DMD: variants seen among roughly 807,000 people sequenced by gnomAD.
DMD encodes dystrophin.
DMD carries 63 observed loss-of-function variants against 330.1 expected under a neutral mutation model. That is an observed-to-expected ratio of 0.19 (90% CI 0.16 to 0.24). The LOEUF (loss-of-function observed/expected upper bound fraction) is 0.24, where lower values mean the gene tolerates loss of function less well. DMD is among the 10% of genes least tolerant of loss of function. DMD has a pLI of 1.00. For synonymous variants in DMD, 1,223 were observed against 959.8 expected (o/e 1.27, Z -5.07); for missense variants, 3,344 against 2,684.1 (o/e 1.25, Z -5.43).
At chrX:33,174,941 G>A (rs2049569310) in intron 1 of DMD, among the ~76,000 whole-genome samples, 1 of 108,853 alleles carries the variant, frequency 9.2e-6, no homozygotes, top group African/African-American at 3.4e-5. Context: ...GAGTGTAGAT[G>A]TCTATTGCAA....
chrX:32,497,505 G>C (rs1338531229), intron 19 of DMD, among the ~76,000 whole-genome samples: 1 of 112,004 alleles, frequency 8.9e-6, no homozygotes, highest in Non-Finnish European at 1.9e-5. Flanking sequence ...ATCTCCTCTA[G>C]AAATTATGGT....
At chrX:31,422,559 G>C (rs940338931) in intron 60 of DMD, among the ~76,000 whole-genome samples, 1 of 111,690 alleles carries the variant, frequency 9.0e-6, no homozygotes, top group Non-Finnish European at 1.9e-5. Context: ...GACGGGCAAT[G>C]GTTAAATTGT....
rs535553340 is a variant in DMD, at chrX:31,347,019, AAAAAAAAAAAAAAAAAAG to A, written c.9163+1519_9163+1536del. ...TCCCTCTCAAAAAAAAAAAAAAAAA[AAAAAAAAAAAAAAAAAAG>A]GAAGGATGCAAACAGTTAGGGAAAG... On this transcript the variant is annotated intron_variant, in intron 61 of 78. Transcript: ENST00000357033. Among the ~76,000 whole-genome samples, 773 of 92,349 alleles carry A rather than the reference AAAAAAAAAAAAAAAAAAG, an allele frequency of 8.4e-3. 15 individuals are homozygous for A. The highest frequency in any genetic ancestry group is 0.03 in the African/African-American group (710 of 23,815). The allele number at this position is 92,349 out of a possible 115,157, so 80.2% of individuals were successfully genotyped here. A position where few individuals can be genotyped will look rare whatever the true frequency, so the allele number is the denominator to read the frequency against.
At chrX:32,440,306 T>C (rs932843361) in intron 28 of DMD, among the ~76,000 whole-genome samples, 7 of 111,823 alleles carry the variant, frequency 6.3e-5, no homozygotes, top group Non-Finnish European at 5.7e-5. Flanking sequence ...TACTTCATTG[T>C]ACTTTAATAT....
At chrX:31,759,853 A>G (rs769884073) in intron 51 of DMD, among the ~76,000 whole-genome samples, 63 of 111,624 alleles carry the variant, frequency 5.6e-4, no homozygotes, top group African/African-American at 2.0e-3. Flanking sequence ...AATTATAGAC[A>G]TAGTGCGAAG....
rs781751990 is a variant in DMD at position 32,297,626 on chromosome X, G to T, written c.6118-9925C>A. ...TATACTAGTGATCCAGAAAGCAAAA[G>T]CCCCGCTCTCTGGAATCTCACCTTC... On this transcript the variant is annotated intron_variant, in intron 42 of 78. Coordinates refer to ENST00000357033, the MANE Select transcript of DMD (RefSeq NM_004006.3). Among the ~76,000 whole-genome samples the T allele has an allele frequency of 3.6e-5, 4 of 111,480 alleles. No individual in the cohort carries two copies. The East Asian group carries it at 1.1e-3, about 31-fold the overall frequency.
chrX:32,305,202 C>A (rs1209293750), intron 42 of DMD, among the ~76,000 whole-genome samples: 1 of 111,496 alleles, frequency 9.0e-6, no homozygotes, highest in Non-Finnish European at 1.9e-5. Context: ...TTGCTCATGG[C>A]ATAATTTTGC....
chrX:31,953,776 G>C (rs1268754221), intron 45 of DMD, among the ~76,000 whole-genome samples: 1 of 111,551 alleles, frequency 9.0e-6, no homozygotes, highest in Non-Finnish European at 1.9e-5. Flanking sequence ...TTTTGGATTA[G>C]TAAAAGGAAG....
intron 1 of DMD, among the ~76,000 whole-genome samples, chrX:33,267,055 C>CT (rs2053055282): frequency 9.0e-6 from 1 of 111,138 alleles, no homozygotes. Context: ...GTCAAACTAT[C>CT]TTTTTTCACT....
At chrX:32,883,681 G>A (rs191782679) in intron 2 of DMD, among the ~76,000 whole-genome samples, 3 of 107,658 alleles carry the variant, frequency 2.8e-5, no homozygotes, top group East Asian at 2.9e-4. Context: ...AAAATTAGCC[G>A]GGCATGGTGG....
chrX:32,607,005 G>T (rs1364996985), intron 12 of DMD, among the ~76,000 whole-genome samples: 2 of 109,290 alleles, frequency 1.8e-5, no homozygotes, highest in African/African-American at 6.6e-5. Context: ...GGCTGGTAGG[G>T]GGGTGAGGGG....
At chrX:31,368,846 A>G (rs1295601715) in intron 60 of DMD, among the ~76,000 whole-genome samples, 1 of 110,803 alleles carries the variant, frequency 9.0e-6, no homozygotes, top group East Asian at 2.8e-4. Flanking sequence ...GGGTTTCACC[A>G]TGTTGGCCAG....
At chrX:32,417,679 G>A (rs1012386299) in intron 29 of DMD, among the ~76,000 whole-genome samples, 4 of 111,109 alleles carry the variant, frequency 3.6e-5, no homozygotes, top group Non-Finnish European at 5.7e-5. Context: ...TGGAGCAAGA[G>A]TACCTCAGGA....
intron 63 of DMD, among the ~76,000 whole-genome samples, chrX:31,258,207 T>C (rs1323671526): frequency 8.9e-6 from 1 of 112,294 alleles, no homozygotes; most frequent in Non-Finnish European, 1.9e-5. Context: ...TGAGGACAAA[T>C]CCAGGTGTAG....
At chrX:31,245,257 T>A (rs889911810) in intron 63 of DMD, among the ~76,000 whole-genome samples, 6 of 112,111 alleles carry the variant, frequency 5.4e-5, no homozygotes, top group Non-Finnish European at 1.1e-4. Flanking sequence ...AAGAACTCCA[T>A]CTCTCCAGAG....
intron 50 of DMD, among the ~76,000 whole-genome samples, chrX:31,783,835 G>A (rs1366125672): frequency 2.7e-5 from 3 of 111,435 alleles, no homozygotes; most frequent in Non-Finnish European, 5.7e-5. Context: ...TTAGTGCAAT[G>A]TAAATGCGAC....
intron 42 of DMD, 132 bp from the exon 43 acceptor site, chrX:32,287,833 T>C (rs1353232069): frequency 2.2e-5 from 10 of 449,619 alleles, no homozygotes; most frequent in Non-Finnish European, 3.5e-5. Flanking sequence ...CTTTTTAAAG[T>C]TAATAACCAT....
At chrX:31,670,495 G>T (rs1230544010) in intron 53 of DMD, among the ~76,000 whole-genome samples, 1 of 111,883 alleles carries the variant, frequency 8.9e-6, no homozygotes, top group Non-Finnish European at 1.9e-5. Context: ...GTAATTAAGT[G>T]TCACAATTTG....
At chrX:31,727,958 TA>T (rs2086188925) in intron 52 of DMD, among the ~76,000 whole-genome samples, 1 of 112,602 alleles carries the variant, frequency 8.9e-6, no homozygotes, top group Admixed American at 9.3e-5. Flanking sequence ...TGGGAAATGG[TA>T]AACATACTAG....
Sources: allele counts gnomAD v4.1 joint callset (sites outside exome capture counted in the v4.1 genomes callset), GRCh38; gene constraint gnomAD v4.1.1; transcripts MANE v1.5; gene names NCBI Gene and HGNC (gene_info 2026-07-23, HGNC 2026-07-21).